Variants in TDRD3 observed in about 807,000 individuals in gnomAD.
The protein encoded by TDRD3 is tudor domain containing 3.
Under a neutral mutation model 86.7 loss-of-function variants are expected in TDRD3, and 45 were observed. The observed-to-expected ratio is 0.52, with a 90% confidence interval of 0.41 to 0.67. The LOEUF (loss-of-function observed/expected upper bound fraction) is 0.67, where lower values mean the gene tolerates loss of function less well. TDRD3 is among the 30% of genes least tolerant of loss of function. The probability of loss-of-function intolerance (pLI) is 0.00; values close to 1 mark genes in which losing one functional copy is unlikely to be tolerated. For synonymous variants in TDRD3, 298 were observed against 301.7 expected (o/e 0.99, Z 0.13); for missense variants, 814 against 889.0 (o/e 0.92, Z 1.07).
At chr13:60,505,675 A>G (rs1326086629) in intron 8 of TDRD3, among the ~76,000 whole-genome samples, 1 of 152,272 alleles carries the variant, frequency 6.6e-6, no homozygotes, top group African/African-American at 2.4e-5. Context: ...ACTAGTTTAG[A>G]GAAGAACATA....
At chr13:60,505,723 T>A (rs1350179196) in intron 8 of TDRD3, among the ~76,000 whole-genome samples, 4 of 152,110 alleles carry the variant, frequency 2.6e-5, no homozygotes, top group African/African-American at 7.2e-5. Flanking sequence ...GCACGAGAAC[T>A]TTGTGAAGCA....
At chr13:60,541,781 G>T (rs1595093610) in intron 12 of TDRD3, among the ~76,000 whole-genome samples, 1 of 121,860 alleles carries the variant, frequency 8.2e-6, no homozygotes, top group South Asian at 2.7e-4. Flanking sequence ...CCAGGATGGT[G>T]CAATGGCACA....
intron 7 of TDRD3, among the ~76,000 whole-genome samples, chr13:60,490,262 A>G (rs1043380518): frequency 1.3e-5 from 2 of 152,150 alleles, no homozygotes; most frequent in African/African-American, 4.8e-5. Context: ...TAAATATAAT[A>G]GTCTGTTTAG....
At chr13:60,545,938 C>T (rs1466331207) in intron 12 of TDRD3, among the ~76,000 whole-genome samples, 1 of 152,018 alleles carries the variant, frequency 6.6e-6, no homozygotes, top group Non-Finnish European at 1.5e-5. Context: ...TTCTCCTCCT[C>T]TTTTATTTTG....
intron 12 of TDRD3, among the ~76,000 whole-genome samples, chr13:60,565,505 A>T (rs1803855911): frequency 6.6e-6 from 1 of 152,178 alleles, no homozygotes; most frequent in Admixed American, 6.5e-5. Context: ...TGAATTCTTT[A>T]AACACAATAG....
At chr13:60,485,742 A>G in intron 6 of TDRD3, 57 bp from the exon 7 acceptor site, 1 of 1,385,498 alleles carries the variant, frequency 7.2e-7, no homozygotes, top group East Asian at 2.6e-5. Context: ...CTTTCTAACG[A>G]AAACTTGAAT....
chr13:60,397,792 G>A (rs1953973412), intron 1 of TDRD3, among the ~76,000 whole-genome samples: 1 of 151,848 alleles, frequency 6.6e-6, no homozygotes, highest in Non-Finnish European at 1.5e-5. Context: ...TCTGCAGCGG[G>A]ATCGGGAGGC....
chr13:60,544,103 C>CTT (rs1469662092), intron 12 of TDRD3, among the ~76,000 whole-genome samples: 1 of 151,088 alleles, frequency 6.6e-6, no homozygotes, highest in African/African-American at 2.4e-5. Context: ...CCTGAAATTC[C>CTT]TTTTTTTTTA....
intron 1 of TDRD3, among the ~76,000 whole-genome samples, chr13:60,431,056 G>T (rs1954942676): frequency 6.6e-6 from 1 of 151,978 alleles, no homozygotes; most frequent in Admixed American, 6.6e-5. Context: ...AGAGAAAATT[G>T]TCTTAATATA....
intron 7 of TDRD3, among the ~76,000 whole-genome samples, chr13:60,492,982 G>T (rs1205616426): frequency 7.0e-6 from 1 of 142,010 alleles, no homozygotes; most frequent in African/African-American, 2.6e-5. Context: ...GCAGTGGCGC[G>T]ATCTCGGCTC....
intron 8 of TDRD3, among the ~76,000 whole-genome samples, chr13:60,506,418 A>G (rs1434627966): frequency 2.0e-5 from 3 of 152,228 alleles, no homozygotes; most frequent in South Asian, 4.1e-4. Flanking sequence ...AGCAACCGGT[A>G]CTAACCACTG....
At chr13:60,413,727 C>G (rs1246273072) in intron 1 of TDRD3, among the ~76,000 whole-genome samples, 1 of 152,044 alleles carries the variant, frequency 6.6e-6, no homozygotes, top group South Asian at 2.1e-4. Flanking sequence ...GCCCTTTACT[C>G]TATTTTAGAT....
intron 12 of TDRD3, among the ~76,000 whole-genome samples, chr13:60,565,789 T>C (rs1304077003): frequency 6.6e-6 from 1 of 152,228 alleles, no homozygotes; most frequent in African/African-American, 2.4e-5. Flanking sequence ...TTAAAATAGC[T>C]ACTTTTCACA....
chr13:60,485,768 TA>T, intron 6 of TDRD3, 30 bp from the exon 7 acceptor site: 1 of 1,513,216 alleles, frequency 6.6e-7, no homozygotes, highest in Non-Finnish European at 8.8e-7. Flanking sequence ...TTGGAACTAC[TA>T]AGTTGACTTA....
At chr13:60,539,150 C>T (rs1489934160) in intron 12 of TDRD3, among the ~76,000 whole-genome samples, 2 of 151,948 alleles carry the variant, frequency 1.3e-5, no homozygotes. Flanking sequence ...AGGTGAGCAT[C>T]CTATCTTAAG....
chr13:60,538,379 C>T (rs1313018218), intron 12 of TDRD3, among the ~76,000 whole-genome samples: 2 of 126,584 alleles, frequency 1.6e-5, no homozygotes, highest in Non-Finnish European at 3.4e-5. Flanking sequence ...TAGATTTCAC[C>T]TGTATTTTTT....
In TDRD3 at chr13:60,464,781, G is replaced by T. The variant is rs185285234; in HGVS notation, c.354-2457G>T. ...ATCTCCTGGAGATAGTAAAATGGCA[G>T]CCAGGAAGGATAGTGGGGAGTGAGT... On this transcript the variant is annotated intron_variant, in intron 4 of 13. Transcript: ENST00000377881. Among the ~76,000 whole-genome samples the T allele has an allele frequency of 1.1e-3, 169 of 152,218 alleles. 1 individual carries two copies. Among genetic ancestry groups the T allele is most frequent in the Admixed American group, 0.01 (155 of 15,292 alleles).
chr13:60,473,356 A>C (rs1040684193), intron 5 of TDRD3, among the ~76,000 whole-genome samples: 1 of 152,210 alleles, frequency 6.6e-6, no homozygotes, highest in Non-Finnish European at 1.5e-5. Flanking sequence ...ATTACATTTC[A>C]ATATAAGTTT....
chr13:60,508,033 A>G (rs1956975855), intron 8 of TDRD3, among the ~76,000 whole-genome samples: 1 of 152,212 alleles, frequency 6.6e-6, no homozygotes, highest in South Asian at 2.1e-4. Context: ...ATTGCTACAA[A>G]GAGAATACCT....
Sources: gnomAD v4.1 joint callset for allele counts (sites outside exome capture counted in the v4.1 genomes callset) on GRCh38, gnomAD v4.1.1 for gene constraint, MANE v1.5 for transcripts, NCBI Gene and HGNC (gene_info 2026-07-23, HGNC 2026-07-21) for gene names.